Variants in MAP3K1 observed in about 807,000 individuals in gnomAD.
The protein encoded by MAP3K1 is MAP/ERK kinase kinase 1.
In MAP3K1, 36 loss-of-function variants were observed where a neutral mutation model predicts 144.2. The ratio of observed to expected loss-of-function variants is 0.25; its 90% CI spans 0.19 to 0.33. The LOEUF (loss-of-function observed/expected upper bound fraction) is 0.33, where lower values mean the gene tolerates loss of function less well. Among genes scored for constraint, MAP3K1 ranks in the 10% least tolerant of loss-of-function variants. The pLI is 1.00. For synonymous variants in MAP3K1, 718 were observed against 688.7 expected (o/e 1.04, Z -0.67); for missense variants, 1,650 against 1,881.9 (o/e 0.88, Z 2.28).
chr5:56,847,204 G>A (rs1169521623), intron 1 of MAP3K1, among the ~76,000 whole-genome samples: 5 of 152,172 alleles, frequency 3.3e-5, no homozygotes, highest in African/African-American at 9.7e-5. Context: ...TTTAAACATG[G>A]CCACCTGAAA....
At chr5:56,878,182 A>G (rs1156282766) in intron 10 of MAP3K1, among the ~76,000 whole-genome samples, 1 of 152,110 alleles carries the variant, frequency 6.6e-6, no homozygotes, top group Admixed American at 6.6e-5. Context: ...TCACCTCAAA[A>G]TTTTGTCCAC....
rs1748642280 is a variant in MAP3K1 at position 56,894,373 on chromosome 5, A to T, written c.*693A>T. ...AGCTGATCTTTTTTTCAAACCAGAA[A>T]AAAAAAATGAACTAGATATGAAGTA... On this transcript the variant is annotated 3_prime_UTR_variant, in exon 20 of 20. Coordinates refer to ENST00000399503, the MANE Select transcript of MAP3K1 (RefSeq NM_005921.2). 2 of 232,482 alleles carry T rather than the reference A, an allele frequency of 8.6e-6. No homozygotes were observed. The highest frequency in any genetic ancestry group is 2.2e-5 in the African/African-American group (1 of 45,296). The allele number at this position is 232,482 out of a possible 1,614,324, so 14.4% of individuals were successfully genotyped here.
rs1748663990 is a variant in MAP3K1, at chr5:56,895,053, C to T, written c.*1373C>T. 4.3e-6 allele frequency: 1 copy of T among 231,358 alleles called. No individual in the cohort carries two copies. The highest frequency in any genetic ancestry group is 2.2e-5 in the African/African-American group (1 of 45,274). The allele number at this position is 231,358 out of a possible 1,614,324, so 14.3% of individuals were successfully genotyped here. A position where few individuals can be genotyped will look rare whatever the true frequency, so the allele number is the denominator to read the frequency against. ...TACAACTTTGAGATTTTAGTTTTAA[C>T]TCTTCAGAAGCCAGTGTGAAATAGA... On this transcript the variant is annotated 3_prime_UTR_variant, in exon 20 of 20. Transcript: ENST00000399503.
rs1324295780 is a variant in MAP3K1, at chr5:56,815,767, T to G, written c.194T>G (p.Val65Gly). The change falls in exon 1 of 20, where the codon GTG (valine) becomes GGG (glycine). Residue 65 changes from valine to glycine, a missense_variant. Physicochemically the swap from Val to Gly is moderately radical, Grantham distance 109 (BLOSUM62 -3). This residue lies in a region of MAP3K1 where 360 missense variants were observed against 274.7 expected (regional missense o/e 1.31). Transcript: ENST00000399503. The part of the protein sequence containing the change: ...ADWRRRQLRK[V>G]RSVELDQLPE... Reference sequence around the variant, plus strand: ...TGGCGGCGGCGGCAGCTGCGCAAAGTGCGGAGTGTGGAGCTGGACCAGCTG... The same window carrying G: ...TGGCGGCGGCGGCAGCTGCGCAAAGGGCGGAGTGTGGAGCTGGACCAGCTG... 7.1e-7 allele frequency: 1 copy of G among 1,399,812 alleles called. No individual in the cohort carries two copies. Among genetic ancestry groups the G allele is most frequent in the Admixed American group, 2.5e-5 (1 of 39,356 alleles). The allele number at this position is 1,399,812 out of a possible 1,614,324, so 86.7% of individuals were successfully genotyped here.
intron 6 of MAP3K1, 96 bp downstream of exon 6, chr5:56,866,073 A>G: frequency 9.6e-7 from 1 of 1,045,896 alleles, no homozygotes; most frequent in South Asian, 1.3e-5. Flanking sequence ...CTCTAAAATG[A>G]TTTAATTATT....
Position 56,894,736 on chromosome 5 carries a change from G to T in MAP3K1, c.*1056G>T. On this transcript the variant is annotated 3_prime_UTR_variant, in exon 20 of 20. Transcript: ENST00000399503. ...AGAGCTGCCATTTTCCTTTTACCATGCATCATCTCTTTACAGTAGGCCTGG... is the reference window on the plus strand; with the variant it reads ...AGAGCTGCCATTTTCCTTTTACCATTCATCATCTCTTTACAGTAGGCCTGG... The T allele has an allele frequency of 4.3e-6, 1 of 232,202 alleles. No individual in the cohort carries two copies. Among genetic ancestry groups the T allele is most frequent in the Non-Finnish European group, 8.5e-6 (1 of 117,476 alleles). The allele number at this position is 232,202 out of a possible 1,614,324, so 14.4% of individuals were successfully genotyped here. A position where few individuals can be genotyped will look rare whatever the true frequency, so the allele number is the denominator to read the frequency against.
rs777624919 is a variant in MAP3K1 at position 56,878,964 on chromosome 5, A to G, written c.1966-16A>G. The G allele has an allele frequency of 3.7e-6, 6 of 1,613,342 alleles. No homozygotes were observed. The African/African-American group carries it at 4.0e-5, about 11-fold the overall frequency. On this transcript the variant is annotated splice_polypyrimidine_tract_variant and intron_variant, in intron 10 of 19. Transcript: ENST00000399503. ...TTTAAGTGTACATAAACTGACCTTC[A>G]GATTTTTTTCCTTAGAAAACATTGA...
At position 56,815,769 on chromosome 5, in the gene MAP3K1, C is replaced by A. The variant is rs1351743738; in HGVS notation, c.196C>A (p.Arg66=). The A allele has an allele frequency of 2.9e-6, 4 of 1,401,766 alleles. No homozygotes were observed. In the Admixed American group the frequency reaches 1.0e-4, roughly 36 times the overall value. The allele number at this position is 1,401,766 out of a possible 1,614,324, so 86.8% of individuals were successfully genotyped here. Residue 66 remains arginine (R), a synonymous_variant, in exon 1 of 20, where the codon CGG becomes AGG. Transcript: ENST00000399503. Reference sequence around the variant, plus strand: ...GCGGCGGCGGCAGCTGCGCAAAGTGCGGAGTGTGGAGCTGGACCAGCTGCC... The same window carrying A: ...GCGGCGGCGGCAGCTGCGCAAAGTGAGGAGTGTGGAGCTGGACCAGCTGCC... ...DWRRRQLRKV[R]SVELDQLPEQ...
Position 56,815,898 on chromosome 5 carries a change from G to A in MAP3K1, c.325G>A (p.Ala109Thr). The A allele has an allele frequency of 1.5e-6, 2 of 1,312,550 alleles. No individual in the cohort carries two copies. The highest frequency in any genetic ancestry group is 1.9e-6 in the Non-Finnish European group (2 of 1,031,330). The allele number at this position is 1,312,550 out of a possible 1,614,324, so 81.3% of individuals were successfully genotyped here. A position where few individuals can be genotyped will look rare whatever the true frequency, so the allele number is the denominator to read the frequency against. ...AGSGTGFQPV[A>T]VPPPHGAASR... ...GAGTGGGACCGGCTTCCAGCCTGTG[G>A]CGGTGCCGCCGCCCCACGGAGCCGC... Residue 109 changes from alanine (A) to threonine (T), a missense_variant, in exon 1 of 20, where the codon GCG becomes ACG. Physicochemically the swap from Ala to Thr is moderately conservative, Grantham distance 58 (BLOSUM62 0). Around this residue, in one of 6 missense-constraint regions of MAP3K1, gnomAD observed 360 missense variants for 274.7 expected, o/e 1.31. Coordinates refer to ENST00000399503, the MANE Select transcript of MAP3K1 (RefSeq NM_005921.2).
chr5:56,857,762 G>A (rs1747383875), intron 2 of MAP3K1, among the ~76,000 whole-genome samples: 1 of 152,188 alleles, frequency 6.6e-6, no homozygotes, highest in South Asian at 2.1e-4. Flanking sequence ...TCTCTTAGAT[G>A]TGTAGTACTG....
At chr5:56,824,440 G>A (rs1052133418) in intron 1 of MAP3K1, among the ~76,000 whole-genome samples, 2 of 152,214 alleles carry the variant, frequency 1.3e-5, no homozygotes, top group African/African-American at 2.4e-5. Flanking sequence ...AGTTAGAAGG[G>A]GTGGCGGTGT....
chr5:56,822,723 C>T (rs1746189731), intron 1 of MAP3K1, among the ~76,000 whole-genome samples: 1 of 151,448 alleles, frequency 6.6e-6, no homozygotes, highest in African/African-American at 2.4e-5. Context: ...TTGTCCTAAC[C>T]ATGATCTCTC....
At chr5:56,841,629 A>G (rs562361852) in intron 1 of MAP3K1, among the ~76,000 whole-genome samples, 25 of 152,348 alleles carry the variant, frequency 1.6e-4, no homozygotes, top group East Asian at 1.3e-3. Context: ...TTGTGGTCCT[A>G]TTGAGCTTTC....
At chr5:56,850,947 G>C (rs1028399532) in intron 1 of MAP3K1, among the ~76,000 whole-genome samples, 18 of 152,136 alleles carry the variant, frequency 1.2e-4, no homozygotes, top group Middle Eastern at 3.4e-3. Flanking sequence ...GATTCTTTTT[G>C]TTTGTTTATT....
At chr5:56,820,767 G>A in intron 1 of MAP3K1, 2 of 985,378 alleles carry the variant, frequency 2.0e-6, no homozygotes, top group Non-Finnish European at 2.4e-6. Context: ...CAAGGTGGTG[G>A]TCTTGAGTGG....
intron 1 of MAP3K1, among the ~76,000 whole-genome samples, chr5:56,823,206 CCT>C (rs1282036769): frequency 6.6e-6 from 1 of 152,170 alleles, no homozygotes; most frequent in Non-Finnish European, 1.5e-5. Context: ...CGGTTGGGCC[CCT>C]GTCTGCTTCT....
chr5:56,851,753 G>A (rs1156313737), intron 1 of MAP3K1, among the ~76,000 whole-genome samples: 1 of 152,192 alleles, frequency 6.6e-6, no homozygotes, highest in Non-Finnish European at 1.5e-5. Context: ...CCTGGACCAG[G>A]CAGCTGTGGA....
intron 11 of MAP3K1, among the ~76,000 whole-genome samples, chr5:56,880,290 T>C (rs1373052568): frequency 6.6e-6 from 1 of 152,196 alleles, no homozygotes; most frequent in Admixed American, 6.6e-5. Flanking sequence ...GATTTTATAA[T>C]ATTCAGACCT....
intron 10 of MAP3K1, 83 bp from the exon 11 acceptor site, chr5:56,878,897 T>A: frequency 8.2e-7 from 1 of 1,218,430 alleles, no homozygotes; most frequent in Non-Finnish European, 1.2e-6. Flanking sequence ...ACTTATTTTG[T>A]TGCTCAAATT....
Sources: allele counts gnomAD v4.1 joint callset (sites outside exome capture counted in the v4.1 genomes callset), GRCh38; gene constraint gnomAD v4.1.1; regional missense constraint gnomAD v4.1.1; transcripts MANE v1.5; gene names NCBI Gene and HGNC (gene_info 2026-07-23, HGNC 2026-07-21).